Variants in SLC5A7 observed in about 807,000 individuals in gnomAD.
SLC5A7 encodes solute carrier family 5 member 7.
In SLC5A7, 19 loss-of-function variants were observed where a neutral mutation model predicts 55.4. The observed-to-expected ratio is 0.34, with a 90% CI of 0.24 to 0.50. The LOEUF is 0.50. SLC5A7 is among the 20% of genes least tolerant of loss of function. The pLI is 0.98. For synonymous variants in SLC5A7, 265 were observed against 263.7 expected (o/e 1.00, Z -0.05); for missense variants, 506 against 705.3 (o/e 0.72, Z 3.20).
intron 1 of SLC5A7, among the ~76,000 whole-genome samples, chr2:107,987,182 T>C (rs1159552147): frequency 6.6e-6 from 1 of 152,044 alleles, no homozygotes; most frequent in African/African-American, 2.4e-5. Context: ...ATGTGAGAGT[T>C]TGGGTTCATG....
At chr2:108,007,864 T>G (rs562283007) in intron 7 of SLC5A7, among the ~76,000 whole-genome samples, 1 of 152,334 alleles carries the variant, frequency 6.6e-6, no homozygotes, top group East Asian at 1.9e-4. Flanking sequence ...AATCTGTGTT[T>G]CAAGTCTTCT....
At chr2:107,990,383 A>T (rs372609722) in intron 2 of SLC5A7, among the ~76,000 whole-genome samples, 15 of 152,214 alleles carry the variant, frequency 9.9e-5, no homozygotes, top group African/African-American at 3.4e-4. Context: ...TTGTAAGACC[A>T]TCAGACCATT....
At chr2:108,001,791 A>G (rs1043479494) in intron 5 of SLC5A7, 106 bp from the exon 6 acceptor site, 2 of 1,186,946 alleles carry the variant, frequency 1.7e-6, no homozygotes, top group African/African-American at 3.1e-5. Flanking sequence ...CTCTGTCTGA[A>G]CTAGAGGAAC....
At chr2:107,994,726 A>G (rs957177645) in intron 4 of SLC5A7, among the ~76,000 whole-genome samples, 3 of 152,184 alleles carry the variant, frequency 2.0e-5, no homozygotes, top group African/African-American at 4.8e-5. Context: ...CCTGACTCTC[A>G]TTAGCTGAGT....
intron 2 of SLC5A7, among the ~76,000 whole-genome samples, chr2:107,991,587 C>G (rs920935680): frequency 1.3e-5 from 2 of 152,114 alleles, no homozygotes; most frequent in Non-Finnish European, 2.9e-5. Flanking sequence ...ATACACTCAC[C>G]TACATAGATG....
chr2:107,999,112 T>C (rs1677788327), intron 5 of SLC5A7, among the ~76,000 whole-genome samples: 1 of 152,220 alleles, frequency 6.6e-6, no homozygotes, highest in Admixed American at 6.5e-5. Flanking sequence ...GACATTTTAT[T>C]TGCATTTCAT....
Position 108,011,150 on chromosome 2 carries a change from G to C in SLC5A7, c.*289G>C, listed in dbSNP as rs1678313515. ...CTTAGAGAACAAAGGGCCAAATAGA[G>C]TTTTTATATTTGTTATGATAAAAGG... is the stretch of plus-strand genomic sequence containing the variant. On this transcript the variant is annotated 3_prime_UTR_variant, in exon 9 of 9. Coordinates refer to ENST00000264047, the MANE Select transcript of SLC5A7 (RefSeq NM_021815.5). 1 of 246,562 alleles carries C rather than the reference G, an allele frequency of 4.1e-6. No homozygotes were observed. Among genetic ancestry groups the C allele is most frequent in the East Asian group, 7.7e-5 (1 of 13,016 alleles). The allele number at this position is 246,562 out of a possible 1,614,324, so 15.3% of individuals were successfully genotyped here.
chr2:108,000,426 T>C (rs1169752422), intron 5 of SLC5A7, among the ~76,000 whole-genome samples: 1 of 151,986 alleles, frequency 6.6e-6, no homozygotes, highest in Non-Finnish European at 1.5e-5. Flanking sequence ...GATATATATT[T>C]CAAATATAAT....
At chr2:108,003,868 G>A (rs1678009185) in intron 6 of SLC5A7, among the ~76,000 whole-genome samples, 1 of 152,136 alleles carries the variant, frequency 6.6e-6, no homozygotes. Flanking sequence ...TAATTCTGGA[G>A]GCTGGAAATC....
chr2:107,999,404 G>T (rs1454896371), intron 5 of SLC5A7, among the ~76,000 whole-genome samples: 2 of 152,160 alleles, frequency 1.3e-5, no homozygotes, highest in East Asian at 1.9e-4. Context: ...TGTTATTGAT[G>T]ATATATGTGA....
At chr2:108,003,819 T>C (rs532660912) in intron 6 of SLC5A7, among the ~76,000 whole-genome samples, 2 of 152,344 alleles carry the variant, frequency 1.3e-5, no homozygotes, top group South Asian at 4.1e-4. Flanking sequence ...CAATTTACCA[T>C]AGACTGGGTG....
At chr2:107,992,065 G>A (rs770588937) in intron 2 of SLC5A7, 41 bp from the exon 3 acceptor site, 8 of 1,348,858 alleles carry the variant, frequency 5.9e-6, no homozygotes, top group Non-Finnish European at 8.5e-6. Context: ...AGGTATAACA[G>A]GTAAGACAGT....
chr2:108,007,148 A>G (rs1678156707), intron 7 of SLC5A7, among the ~76,000 whole-genome samples: 1 of 152,132 alleles, frequency 6.6e-6, no homozygotes, highest in Admixed American at 6.5e-5. Context: ...ACATCATGTT[A>G]ATCCAAATTC....
chr2:108,001,378 G>A (rs897826018), intron 5 of SLC5A7, among the ~76,000 whole-genome samples: 2 of 152,158 alleles, frequency 1.3e-5, no homozygotes, highest in African/African-American at 4.8e-5. Flanking sequence ...ATCAAGCATA[G>A]AAATAGTCAA....
intron 5 of SLC5A7, among the ~76,000 whole-genome samples, chr2:107,999,672 C>A (rs1258801637): frequency 2.6e-5 from 4 of 152,064 alleles, no homozygotes; most frequent in African/African-American, 4.8e-5. Context: ...ACCCCTTAGA[C>A]CACCTTCTTT....
At chr2:107,996,368 G>A (rs896898750) in intron 4 of SLC5A7, among the ~76,000 whole-genome samples, 1 of 151,928 alleles carries the variant, frequency 6.6e-6, no homozygotes, top group East Asian at 1.9e-4. Flanking sequence ...CTTTACTCTG[G>A]AAAATAATTC....
At chr2:107,986,963 G>A (rs1046416338) in intron 1 of SLC5A7, among the ~76,000 whole-genome samples, 200 bp downstream of exon 1, 3 of 152,136 alleles carry the variant, frequency 2.0e-5, no homozygotes, top group Non-Finnish European at 4.4e-5. Flanking sequence ...ATGGGTAGAG[G>A]GGGCCGAGGA....
intron 3 of SLC5A7, 122 bp from the exon 4 acceptor site, chr2:107,992,850 C>T (rs1367712537): frequency 1.0e-6 from 1 of 1,004,466 alleles, no homozygotes; most frequent in Non-Finnish European, 1.5e-6. Context: ...TGTGTGCAGA[C>T]TTGTTCCTCA....
intron 8 of SLC5A7, among the ~76,000 whole-genome samples, chr2:108,009,969 C>A (rs926969514): frequency 6.6e-6 from 1 of 152,152 alleles, no homozygotes; most frequent in Non-Finnish European, 1.5e-5. Context: ...CCTGCCTTTG[C>A]CCCTGTGCAT....
Sources: gnomAD v4.1 joint callset for allele counts (sites outside exome capture counted in the v4.1 genomes callset) on GRCh38, gnomAD v4.1.1 for gene constraint, MANE v1.5 for transcripts, NCBI Gene and HGNC (gene_info 2026-07-23, HGNC 2026-07-21) for gene names.